Variants in EPG5 observed in about 807,000 individuals in gnomAD.
The protein encoded by EPG5 is ectopic P granules protein 5 homolog.
Under a neutral mutation model 302.7 loss-of-function variants are expected in EPG5, and 159 were observed. The observed-to-expected ratio is 0.53, with a 90% CI of 0.46 to 0.60. The LOEUF (loss-of-function observed/expected upper bound fraction) is 0.60. Ranked by LOEUF, EPG5 falls within the 20% of genes least tolerant of loss-of-function variation. The pLI is 0.00. For missense variants in EPG5, 2,896 were observed against 3,092.4 expected (o/e 0.94, Z 1.51); for synonymous variants, 1,158 against 1,136.8 (o/e 1.02, Z -0.37).
chr18:45,844,341 T>C (rs1449330840), downstream of EPG5, among the ~76,000 whole-genome samples: 1 of 152,120 alleles, frequency 6.6e-6, no homozygotes, highest in African/African-American at 2.4e-5. Context: ...TAAGATCTAG[T>C]ATTTGCTAGC....
At chr18:45,825,257 AGAG>A in the EPG5 span, among the ~76,000 whole-genome samples, 2 of 139,332 alleles carry the variant, frequency 1.4e-5, no homozygotes, top group Non-Finnish European at 3.1e-5. Context: ...GAAAAAAGGG[AGAG>A]GAGAAGGGAG....
chr18:45,930,028 C>T (rs1166505097), intron 12 of EPG5, among the ~76,000 whole-genome samples: 1 of 152,148 alleles, frequency 6.6e-6, no homozygotes, highest in Non-Finnish European at 1.5e-5. Flanking sequence ...ATGTGCAAGG[C>T]TTTTTAAATA....
the EPG5 span, among the ~76,000 whole-genome samples, chr18:45,831,134 T>C: frequency 1.3e-5 from 2 of 152,182 alleles, no homozygotes; most frequent in Admixed American, 6.5e-5. Context: ...CTGAGGGGCA[T>C]GCCACCAAAG....
At chr18:45,802,702 T>G in the EPG5 span, among the ~76,000 whole-genome samples, 9 of 152,236 alleles carry the variant, frequency 5.9e-5, no homozygotes, top group East Asian at 1.7e-3. Context: ...ACCCTCACTC[T>G]GCATGACTGA....
chr18:45,841,990 C>T, the EPG5 span: 6 of 968,560 alleles, frequency 6.2e-6, no homozygotes, highest in Non-Finnish European at 9.8e-6. Flanking sequence ...CTGCCGGTTC[C>T]AGCCGCACTG....
At chr18:45,812,650 C>G in the EPG5 span, among the ~76,000 whole-genome samples, 4 of 152,076 alleles carry the variant, frequency 2.6e-5, no homozygotes, top group Admixed American at 6.6e-5. Flanking sequence ...ACAAACCTGA[C>G]AAAAACAAGC....
At chr18:45,965,444 C>A (rs1284331273) in intron 1 of EPG5, among the ~76,000 whole-genome samples, 1 of 151,952 alleles carries the variant, frequency 6.6e-6, no homozygotes, top group Admixed American at 6.6e-5. Context: ...CCCTCTAAAC[C>A]TAAAATAAAA....
At chr18:45,935,979 G>C (rs1276330546) in intron 10 of EPG5, among the ~76,000 whole-genome samples, 1 of 152,084 alleles carries the variant, frequency 6.6e-6, no homozygotes, top group East Asian at 1.9e-4. Context: ...ACCTGACTTT[G>C]CCATCATCAT....
At chr18:45,803,761 G>C in the EPG5 span, among the ~76,000 whole-genome samples, 1 of 152,062 alleles carries the variant, frequency 6.6e-6, no homozygotes, top group East Asian at 1.9e-4. Context: ...GGGCCACTCA[G>C]AAAAAAACAG....
chr18:45,951,923 C>T (rs539695155), intron 3 of EPG5, among the ~76,000 whole-genome samples: 1 of 152,248 alleles, frequency 6.6e-6, no homozygotes, highest in African/African-American at 2.4e-5. Context: ...ATATTCATGT[C>T]ATAAAGACTA....
chr18:45,811,570 G>T, the EPG5 span, among the ~76,000 whole-genome samples: 34 of 152,152 alleles, frequency 2.2e-4, no homozygotes, highest in African/African-American at 8.0e-4. Context: ...TATCCACCAT[G>T]ATCAAGTGGA....
rs1037923732 is a variant in EPG5, at chr18:45,951,003, C to G, written c.1389+99G>C. 99 of 930,648 alleles carry G rather than the reference C, an allele frequency of 1.1e-4. 1 individual carries two copies. In the South Asian group the frequency reaches 1.3e-3, roughly 13 times the overall value. The allele number at this position is 930,648 out of a possible 1,614,324, so 57.6% of individuals were successfully genotyped here. A position where few individuals can be genotyped will look rare whatever the true frequency, so the allele number is the denominator to read the frequency against. ...TTAATAAACTCATCAAATAAATTAGCTGAAAAAGTTGAAGACCAAATGTAA... is the reference window on the plus strand; with the variant it reads ...TTAATAAACTCATCAAATAAATTAGGTGAAAAAGTTGAAGACCAAATGTAA... On this transcript the variant is annotated intron_variant, in intron 4 of 43. Transcript: ENST00000282041.
intron 27 of EPG5, among the ~76,000 whole-genome samples, chr18:45,891,883 T>C (rs1167700789): frequency 6.6e-6 from 1 of 152,226 alleles, no homozygotes; most frequent in African/African-American, 2.4e-5. Context: ...ATGTTTAATA[T>C]CCTAAAATGT....
chr18:45,965,750 T>C (rs947072419), intron 1 of EPG5, among the ~76,000 whole-genome samples: 2 of 152,216 alleles, frequency 1.3e-5, no homozygotes, highest in African/African-American at 4.8e-5. Flanking sequence ...AATCTGTTCA[T>C]CTTAGAAAAT....
At chr18:45,931,904 A>G (rs953654781) in intron 11 of EPG5, among the ~76,000 whole-genome samples, 1 of 151,462 alleles carries the variant, frequency 6.6e-6, no homozygotes, top group Non-Finnish European at 1.5e-5. Flanking sequence ...GGAACTTTTC[A>G]CAGTAAGAAG....
chr18:45,915,002 G>A (rs1263501465), intron 20 of EPG5, among the ~76,000 whole-genome samples: 1 of 151,764 alleles, frequency 6.6e-6, no homozygotes, highest in African/African-American at 2.4e-5. Flanking sequence ...ACTCAGGCAG[G>A]GCGCGGTGGC....
intron 10 of EPG5, among the ~76,000 whole-genome samples, chr18:45,939,111 C>A (rs1214112984): frequency 6.6e-6 from 1 of 152,206 alleles, no homozygotes; most frequent in East Asian, 1.9e-4. Flanking sequence ...AGCAGTGGCA[C>A]AGTCAGCATG....
chr18:45,918,012 T>G (rs925529027), intron 16 of EPG5, among the ~76,000 whole-genome samples, 193 bp from the exon 17 acceptor site: 4 of 152,232 alleles, frequency 2.6e-5, no homozygotes, highest in Non-Finnish European at 4.4e-5. Context: ...TTAATCTTTA[T>G]TTTCATTGTA....
rs545036439 is a variant in EPG5 at position 45,966,241 on chromosome 18, A to G, written c.63+936T>C. 3.3e-3 allele frequency among the ~76,000 whole-genome samples: 489 copies of G among 148,296 alleles called. 2 individuals carry two copies. The highest frequency in any genetic ancestry group is 9.6e-3 in the African/African-American group (384 of 40,152). ...CAAAAAATTAGCCGGGCGTGGTGGCAGGCGCCTGTAGTCCCAGCTACTCGG... is the reference window on the plus strand; with the variant it reads ...CAAAAAATTAGCCGGGCGTGGTGGCGGGCGCCTGTAGTCCCAGCTACTCGG... On this transcript the variant is annotated intron_variant, in intron 1 of 43. Transcript: ENST00000282041.
Sources: allele counts gnomAD v4.1 joint callset (sites outside exome capture counted in the v4.1 genomes callset), GRCh38; gene constraint gnomAD v4.1.1; transcripts MANE v1.5; gene names NCBI Gene and HGNC (gene_info 2026-07-23, HGNC 2026-07-21).